CACNA2D3: variants seen among roughly 807,000 people sequenced by gnomAD.
CACNA2D3 encodes calcium voltage-gated channel auxiliary subunit alpha2delta 3.
Under a neutral mutation model 160.6 loss-of-function variants are expected in CACNA2D3, and 60 were observed. The ratio of observed to expected loss-of-function variants is 0.37; its 90% CI spans 0.30 to 0.46. CACNA2D3 has a LOEUF of 0.46. Ranked by LOEUF, CACNA2D3 falls within the 20% of genes least tolerant of loss-of-function variation. The probability of loss-of-function intolerance (pLI) is 1.00; values close to 1 mark genes in which losing one functional copy is unlikely to be tolerated. For missense variants in CACNA2D3, 1,205 were observed against 1,365.0 expected (o/e 0.88, Z 1.85); for synonymous variants, 558 against 492.9 (o/e 1.13, Z -1.75).
intron 25 of CACNA2D3, among the ~76,000 whole-genome samples, chr3:54,892,450 C>G (rs1700091715): frequency 6.6e-6 from 1 of 152,156 alleles, no homozygotes; most frequent in Non-Finnish European, 1.5e-5. Flanking sequence ...TATAACCTTA[C>G]AAAACCAAGT....
intron 2 of CACNA2D3, among the ~76,000 whole-genome samples, chr3:54,285,081 T>C (rs1041457290): frequency 1.3e-5 from 2 of 152,086 alleles, no homozygotes; most frequent in East Asian, 1.9e-4. Flanking sequence ...AGACAGTGGG[T>C]GCAGGACAGT....
chr3:54,709,890 A>G lies in CACNA2D3; in HGVS notation c.1168-42709A>G, dbSNP rs144912994. Among the ~76,000 whole-genome samples, 877 of 152,252 alleles carry G rather than the reference A, an allele frequency of 5.8e-3. 11 individuals are homozygous for G. The highest frequency in any genetic ancestry group is 0.02 in the African/African-American group (822 of 41,538). ...GCAGTGAGCCATGGATTGCCACTGCACTCTAGCCTGCATGAAAGAGCAAGA... is the reference window on the plus strand; with the variant it reads ...GCAGTGAGCCATGGATTGCCACTGCGCTCTAGCCTGCATGAAAGAGCAAGA... On this transcript the variant is annotated intron_variant, in intron 11 of 37. Transcript: ENST00000474759.
intron 16 of CACNA2D3, among the ~76,000 whole-genome samples, chr3:54,844,328 T>C (rs1421796339): frequency 6.6e-6 from 1 of 151,926 alleles, no homozygotes; most frequent in African/African-American, 2.4e-5. Flanking sequence ...CCATGGCATA[T>C]TTGGTGGTGG....
At chr3:54,301,497 A>G (rs1254482121) in intron 2 of CACNA2D3, among the ~76,000 whole-genome samples, 1 of 152,184 alleles carries the variant, frequency 6.6e-6, no homozygotes, top group African/African-American at 2.4e-5. Flanking sequence ...ACAATTATTT[A>G]CATTCAGAGA....
At chr3:55,036,256 G>C (rs959708391) in intron 35 of CACNA2D3, among the ~76,000 whole-genome samples, 1 of 151,938 alleles carries the variant, frequency 6.6e-6, no homozygotes, top group Non-Finnish European at 1.5e-5. Context: ...AGACCAGCCT[G>C]GCCAACATGG....
chr3:54,723,940 G>A (rs1043789330), intron 11 of CACNA2D3, among the ~76,000 whole-genome samples: 3 of 152,252 alleles, frequency 2.0e-5, no homozygotes, highest in East Asian at 1.9e-4. Context: ...AAATGTAAAT[G>A]GGCTAAATGC....
rs551031631 is a variant in CACNA2D3, at chr3:54,785,454, A to T, written c.1380+21103A>T. On this transcript the variant is annotated intron_variant, in intron 13 of 37. Coordinates refer to ENST00000474759, the MANE Select transcript of CACNA2D3 (RefSeq NM_018398.3). ...CATGTCTTATTATTTCATTTTATTT[A>T]TTTTTTTTGGTAGAGGAGGCTGTCA... 2.0e-5 allele frequency among the ~76,000 whole-genome samples: 3 copies of T among 151,844 alleles called. No individual in the cohort carries two copies. In the East Asian group the frequency reaches 5.8e-4, roughly 29 times the overall value.
intron 27 of CACNA2D3, among the ~76,000 whole-genome samples, chr3:54,933,436 C>T (rs1407830288): frequency 6.6e-6 from 1 of 152,180 alleles, no homozygotes; most frequent in Non-Finnish European, 1.5e-5. Context: ...TCTTGGCTCT[C>T]AGAGCCCTCT....
chr3:54,477,474 A>G (rs1038711394), intron 4 of CACNA2D3, among the ~76,000 whole-genome samples: 3 of 152,134 alleles, frequency 2.0e-5, no homozygotes, highest in Non-Finnish European at 2.9e-5. Context: ...TGTTTCCCCA[A>G]GAACAGCCCC....
intron 3 of CACNA2D3, among the ~76,000 whole-genome samples, chr3:54,349,582 T>C (rs979514076): frequency 6.6e-6 from 1 of 152,202 alleles, no homozygotes; most frequent in Non-Finnish European, 1.5e-5. Context: ...TTTGTCTGTC[T>C]AACTTTTCAT....
At chr3:54,296,301 C>T (rs538949915) in intron 2 of CACNA2D3, among the ~76,000 whole-genome samples, 2 of 152,266 alleles carry the variant, frequency 1.3e-5, no homozygotes, top group East Asian at 3.9e-4. Flanking sequence ...TCTTCCTCTC[C>T]CTTCTCCTCC....
At chr3:54,825,321 A>T (rs1037436987) in intron 14 of CACNA2D3, among the ~76,000 whole-genome samples, 4 of 152,214 alleles carry the variant, frequency 2.6e-5, no homozygotes, top group African/African-American at 9.6e-5. Flanking sequence ...AGCCCTCTGA[A>T]TTGGGATACC....
intron 11 of CACNA2D3, among the ~76,000 whole-genome samples, chr3:54,694,811 T>C (rs1464961864): frequency 6.6e-6 from 1 of 152,204 alleles, no homozygotes; most frequent in African/African-American, 2.4e-5. Context: ...TTATATTCTT[T>C]TTATTCTGAG....
intron 2 of CACNA2D3, among the ~76,000 whole-genome samples, chr3:54,249,853 G>A (rs1414831827): frequency 6.6e-6 from 1 of 150,910 alleles, no homozygotes; most frequent in African/African-American, 2.4e-5. Context: ...GATAACTATA[G>A]ACAACTCTTT....
intron 11 of CACNA2D3, among the ~76,000 whole-genome samples, chr3:54,667,060 A>T (rs1700080325): frequency 6.6e-6 from 1 of 152,240 alleles, no homozygotes; most frequent in Admixed American, 6.5e-5. Context: ...TGTTTTTAGC[A>T]GAAGCAGCTC....
At chr3:54,959,194 C>T (rs555379504) in intron 27 of CACNA2D3, among the ~76,000 whole-genome samples, 24 of 152,304 alleles carry the variant, frequency 1.6e-4, no homozygotes, top group South Asian at 1.0e-3. Flanking sequence ...CCACAAGGTA[C>T]CAGTTGGGCC....
chr3:54,243,952 A>G (rs1264584814), intron 2 of CACNA2D3, among the ~76,000 whole-genome samples: 1 of 152,212 alleles, frequency 6.6e-6, no homozygotes, highest in African/African-American at 2.4e-5. Flanking sequence ...TGTAGGGGAT[A>G]CAGATATAGG....
intron 27 of CACNA2D3, among the ~76,000 whole-genome samples, chr3:54,939,647 C>T (rs1272530674): frequency 6.6e-6 from 1 of 152,214 alleles, no homozygotes; most frequent in Non-Finnish European, 1.5e-5. Context: ...TCCCCCAGAA[C>T]GGAGCTATCA....
intron 29 of CACNA2D3, among the ~76,000 whole-genome samples, chr3:54,980,793 A>G (rs563153365): frequency 2.6e-5 from 4 of 152,342 alleles, no homozygotes; most frequent in East Asian, 3.9e-4. Flanking sequence ...TGACCTTAAA[A>G]TATTTAGCAA....
Sources: allele counts gnomAD v4.1 joint callset (sites outside exome capture counted in the v4.1 genomes callset), GRCh38; gene constraint gnomAD v4.1.1; transcripts MANE v1.5; gene names NCBI Gene and HGNC (gene_info 2026-07-23, HGNC 2026-07-21).